Variants in CNBD1 observed in about 807,000 individuals in gnomAD.
The protein encoded by CNBD1 is cyclic nucleotide binding domain containing 1, also known as cyclic nucleotide-binding domain-containing protein 1.
In CNBD1, 71 loss-of-function variants were observed where a neutral mutation model predicts 54.4. The observed-to-expected ratio is 1.30, with a 90% CI of 1.08 to 1.59. The LOEUF is 1.59. Ranked by LOEUF, CNBD1 falls within the 40% of genes most tolerant of loss-of-function variation. The probability of loss-of-function intolerance (pLI) is 0.00; values close to 1 mark genes in which losing one functional copy is unlikely to be tolerated. For missense variants in CNBD1, 659 were observed against 518.0 expected (o/e 1.27, Z -2.64); for synonymous variants, 182 against 170.7 (o/e 1.07, Z -0.51).
chr8:87,381,595 G>C (rs550703297), intron 10 of CNBD1, among the ~76,000 whole-genome samples: 11 of 151,960 alleles, frequency 7.2e-5, no homozygotes, highest in Admixed American at 3.3e-4. Flanking sequence ...GCAGCATTAT[G>C]CATAATAGCT....
intron 8 of CNBD1, among the ~76,000 whole-genome samples, chr8:87,292,165 C>T (rs1313582779): frequency 6.6e-6 from 1 of 152,128 alleles, no homozygotes; most frequent in Non-Finnish European, 1.5e-5. Flanking sequence ...CAAGCTATTG[C>T]TTTGCTATCT....
chr8:87,093,143 C>T (rs1356403531), intron 4 of CNBD1, among the ~76,000 whole-genome samples: 2 of 152,140 alleles, frequency 1.3e-5, no homozygotes, highest in East Asian at 3.8e-4. Flanking sequence ...AACTTATTTA[C>T]TGTATAGAAC....
chr8:86,897,833 A>C (rs1267335388), intron 2 of CNBD1, among the ~76,000 whole-genome samples: 1 of 152,178 alleles, frequency 6.6e-6, no homozygotes, highest in Non-Finnish European at 1.5e-5. Context: ...ATTAACTATT[A>C]CATGCCCAGT....
chr8:87,327,391 C>T (rs1208344555), intron 8 of CNBD1, among the ~76,000 whole-genome samples: 1 of 151,858 alleles, frequency 6.6e-6, no homozygotes, highest in Admixed American at 6.6e-5. Flanking sequence ...TGGTGGGCGC[C>T]CCTCCCCCAC....
intron 6 of CNBD1, among the ~76,000 whole-genome samples, chr8:87,250,300 C>A (rs1807888928): frequency 6.6e-6 from 1 of 152,134 alleles, no homozygotes; most frequent in Non-Finnish European, 1.5e-5. Flanking sequence ...ATTAAAATGG[C>A]TGTTATCCAA....
chr8:87,142,015 C>T (rs1812379576), intron 4 of CNBD1, among the ~76,000 whole-genome samples: 3 of 152,116 alleles, frequency 2.0e-5, no homozygotes, highest in Admixed American at 6.6e-5. Context: ...GCATAAAATA[C>T]ATTGGAACAT....
At chr8:87,371,434 G>A (rs1810792774) in intron 10 of CNBD1, among the ~76,000 whole-genome samples, 1 of 151,896 alleles carries the variant, frequency 6.6e-6, no homozygotes, top group African/African-American at 2.4e-5. Flanking sequence ...TCCTTGAAGA[G>A]GTCCTTCACG....
chr8:87,081,511 G>GTT (rs530640699), intron 4 of CNBD1, among the ~76,000 whole-genome samples: 306 of 140,252 alleles, frequency 2.2e-3, no homozygotes, highest in East Asian at 9.3e-3. Context: ...TTTTGTTTTT[G>GTT]TTTTTTTTTT....
intron 3 of CNBD1, among the ~76,000 whole-genome samples, chr8:86,930,892 G>A (rs140884131): frequency 1.3e-3 from 201 of 152,244 alleles, no homozygotes; most frequent in African/African-American, 4.7e-3. Flanking sequence ...GAAAAGCGGT[G>A]GGGTCTTTTA....
chr8:87,384,796 T>C (rs932395120), downstream of CNBD1, among the ~76,000 whole-genome samples: 1 of 151,890 alleles, frequency 6.6e-6, no homozygotes, highest in African/African-American at 2.4e-5. Flanking sequence ...ACAATATAGG[T>C]AGAGTGAAAA....
intron 6 of CNBD1, among the ~76,000 whole-genome samples, chr8:87,260,625 C>G (rs921650846): frequency 6.6e-6 from 1 of 152,098 alleles, no homozygotes; most frequent in Admixed American, 6.6e-5. Flanking sequence ...GAAACTCTTA[C>G]CCTTTTGCCA....
At chr8:87,289,440 A>C in intron 8 of CNBD1, among the ~76,000 whole-genome samples, 1 of 152,124 alleles carries the variant, frequency 6.6e-6, no homozygotes. Context: ...GATGTGGCCA[A>C]CTTGAAAGCG....
chr8:86,901,063 G>C (rs1808925077), intron 2 of CNBD1, among the ~76,000 whole-genome samples: 2 of 152,098 alleles, frequency 1.3e-5, no homozygotes, highest in Non-Finnish European at 2.9e-5. Context: ...GAACAGAAGA[G>C]ACTGAATAGC....
At chr8:86,906,605 A>G (rs1809021928) in intron 3 of CNBD1, among the ~76,000 whole-genome samples, 2 of 152,224 alleles carry the variant, frequency 1.3e-5, no homozygotes, top group Admixed American at 1.3e-4. Context: ...CTCAATTTCT[A>G]TTCTAATCTT....
In CNBD1 at chr8:87,061,228, A is replaced by G. The variant is rs1046124049; in HGVS notation, c.431+121474A>G. 2.5e-4 allele frequency among the ~76,000 whole-genome samples: 38 copies of G among 152,268 alleles called. 1 individual carries two copies. Among genetic ancestry groups the G allele is most frequent in the South Asian group, 8.3e-4 (4 of 4,824 alleles). The stretch of plus-strand genomic sequence containing the variant: ...TGCTGGCTTGCTTGAACTTTGTGTC[A>G]TGCAAGTGACAAGCAGGATTCTGTG... On this transcript the variant is annotated intron_variant, in intron 4 of 10. Transcript: ENST00000518476.
chr8:87,427,730 CTTCA>C (rs1808074003), intron 2 of CNBD1, among the ~76,000 whole-genome samples: 1 of 152,050 alleles, frequency 6.6e-6, no homozygotes, highest in African/African-American at 2.4e-5. Context: ...TAAACAAACT[CTTCA>C]TTATGTCAGC....
chr8:86,975,687 T>A (rs1373910350), intron 4 of CNBD1, among the ~76,000 whole-genome samples: 1 of 152,094 alleles, frequency 6.6e-6, no homozygotes, highest in Non-Finnish European at 1.5e-5. Flanking sequence ...CTGCAATGAA[T>A]GTGGGAGTGC....
At chr8:87,084,074 C>G (rs1013074001) in intron 4 of CNBD1, among the ~76,000 whole-genome samples, 25 of 152,130 alleles carry the variant, frequency 1.6e-4, no homozygotes, top group African/African-American at 6.0e-4. Context: ...GAATTTGATT[C>G]TTTTCATTGA....
intron 4 of CNBD1, among the ~76,000 whole-genome samples, chr8:87,149,716 T>C (rs989633254): frequency 6.6e-6 from 1 of 152,050 alleles, no homozygotes; most frequent in African/African-American, 2.4e-5. Context: ...TGTAAAGGGA[T>C]ATGATGTGTC....
Sources: gnomAD v4.1 joint callset for allele counts (sites outside exome capture counted in the v4.1 genomes callset) on GRCh38, gnomAD v4.1.1 for gene constraint, MANE v1.5 for transcripts, NCBI Gene and HGNC (gene_info 2026-07-23, HGNC 2026-07-21) for gene names.